The following RAB10 variants were observed in gnomAD, a reference collection of about 807,000 sequenced individuals.
RAB10 encodes RAB10, member RAS oncogene family, also known as ras-related protein Rab-10.
RAB10 carries 5 observed loss-of-function variants against 25.7 expected under a neutral mutation model. The observed-to-expected ratio is 0.19, with a 90% CI of 0.10 to 0.41. The LOEUF (loss-of-function observed/expected upper bound fraction) is 0.41, where lower values mean the gene tolerates loss of function less well. RAB10 is among the 10% of genes least tolerant of loss of function. The probability of loss-of-function intolerance (pLI) is 1.00; values close to 1 mark genes in which losing one functional copy is unlikely to be tolerated. For missense variants in RAB10, 103 were observed against 245.8 expected (o/e 0.42, Z 3.89); for synonymous variants, 89 against 86.4 (o/e 1.03, Z -0.16).
chr2:26,092,296 TGTGTGTGTGTGTGTGTG>T (rs1667125297), intron 1 of RAB10, among the ~76,000 whole-genome samples: 4 of 137,504 alleles, frequency 2.9e-5, no homozygotes, highest in African/African-American at 1.3e-4. Context: ...TGTGTGTGTG[TGTGTGTGTGTGTGTGTG>T]TGTGTGTGTT....
chr2:26,051,013 G>C (rs184152675), intron 1 of RAB10, among the ~76,000 whole-genome samples: 62 of 152,092 alleles, frequency 4.1e-4, no homozygotes, highest in Non-Finnish European at 6.5e-4. Context: ...CAACCTCCCG[G>C]GCTCAAGAGA....
intron 1 of RAB10, among the ~76,000 whole-genome samples, chr2:26,053,657 T>A (rs1666181837): frequency 6.6e-6 from 1 of 152,194 alleles, no homozygotes; most frequent in African/African-American, 2.4e-5. Flanking sequence ...TTATATATTC[T>A]TAGTGTTACA....
At chr2:26,113,314 C>T (rs572367093) in intron 3 of RAB10, among the ~76,000 whole-genome samples, 9 of 152,106 alleles carry the variant, frequency 5.9e-5, no homozygotes, top group African/African-American at 1.2e-4. Flanking sequence ...GGCTCACACC[C>T]GTAAATCCCA....
rs376860052 is a variant in RAB10 at position 26,115,413 on chromosome 2, A to C, written c.327+5507A>C. Among the ~76,000 whole-genome samples, 3 of 152,350 alleles carry C rather than the reference A, an allele frequency of 2.0e-5. No homozygotes were observed. The East Asian group carries it at 5.8e-4, about 29-fold the overall frequency. ...ATAAGGGAACATCACTCAGCCATTAAAAGGCATGAAGGACTGATACTTGGT... is the reference window on the plus strand; with the variant it reads ...ATAAGGGAACATCACTCAGCCATTACAAGGCATGAAGGACTGATACTTGGT... On this transcript the variant is annotated intron_variant, in intron 3 of 5. Coordinates refer to ENST00000264710, the MANE Select transcript of RAB10 (RefSeq NM_016131.5).
chr2:26,072,236 G>T (rs1471160988), intron 1 of RAB10, among the ~76,000 whole-genome samples: 1 of 152,078 alleles, frequency 6.6e-6, no homozygotes, highest in Non-Finnish European at 1.5e-5. Context: ...GGCCAACATG[G>T]TGAAACTGGT....
rs190910749 is a variant in RAB10 at position 26,062,999 on chromosome 2, C to T, written c.127+28264C>T. On this transcript the variant is annotated intron_variant, in intron 1 of 5. Transcript: ENST00000264710. ...GCATGGTGGCAGGCGCCTATAATCC[C>T]GGCTGCTCGGGAGGCTGAGGCAGGA... Among the ~76,000 whole-genome samples the T allele has an allele frequency of 1.6e-3, 248 of 152,006 alleles. 1 individual carries two copies. The highest frequency in any genetic ancestry group is 5.5e-3 in the African/African-American group (227 of 41,458).
intron 3 of RAB10, among the ~76,000 whole-genome samples, chr2:26,121,064 G>A (rs1667794319): frequency 6.6e-6 from 1 of 151,676 alleles, no homozygotes; most frequent in Non-Finnish European, 1.5e-5. Flanking sequence ...GACGTGCATC[G>A]CCACACCCGG....
intron 1 of RAB10, among the ~76,000 whole-genome samples, chr2:26,042,423 C>T (rs1043865571): frequency 1.3e-5 from 2 of 151,948 alleles, no homozygotes; most frequent in African/African-American, 2.4e-5. Context: ...ATAGCTTGAG[C>T]TCAGGAGTTC....
intron 1 of RAB10, among the ~76,000 whole-genome samples, chr2:26,092,281 G>C (rs1294589918): frequency 9.2e-5 from 3 of 32,494 alleles, no homozygotes; most frequent in Admixed American, 2.0e-4. Context: ...GTGTGTGTGT[G>C]TGTGTGTGTG....
intron 5 of RAB10, among the ~76,000 whole-genome samples, chr2:26,132,771 C>CCT (rs397711678): frequency 1.1e-3 from 149 of 138,526 alleles, no homozygotes; most frequent in African/African-American, 3.6e-3. Context: ...ACCCCCCCCC[C>CCT]TTTTTTTTAA....
chr2:26,054,086 C>T (rs1246866405), intron 1 of RAB10, among the ~76,000 whole-genome samples: 33 of 137,894 alleles, frequency 2.4e-4, no homozygotes, highest in Non-Finnish European at 7.6e-5. Flanking sequence ...CTTGCTCTGT[C>T]GCCCAGGGTG....
intron 2 of RAB10, among the ~76,000 whole-genome samples, chr2:26,104,867 A>G (rs1246086006): frequency 6.6e-6 from 1 of 151,346 alleles, no homozygotes; most frequent in Non-Finnish European, 1.5e-5. Flanking sequence ...CCTCCTGAGT[A>G]GCTGGGACTA....
chr2:26,062,191 TGTTA>T (rs1332618806), intron 1 of RAB10, among the ~76,000 whole-genome samples: 4 of 152,238 alleles, frequency 2.6e-5, no homozygotes, highest in Non-Finnish European at 5.9e-5. Context: ...AAGTAGTGCC[TGTTA>T]GTTTAAAAAC....
At chr2:26,114,670 C>T (rs1047820431) in intron 3 of RAB10, among the ~76,000 whole-genome samples, 3 of 150,032 alleles carry the variant, frequency 2.0e-5, no homozygotes, top group East Asian at 3.9e-4. Flanking sequence ...GTGGGTGGGT[C>T]GCTGGAGCCC....
chr2:26,129,437 T>A (rs1039723655), intron 5 of RAB10, among the ~76,000 whole-genome samples: 3 of 152,242 alleles, frequency 2.0e-5, no homozygotes, highest in Admixed American at 1.3e-4. Flanking sequence ...GATGTTTGTT[T>A]TTAAATTTTC....
intron 1 of RAB10, among the ~76,000 whole-genome samples, chr2:26,057,237 T>C (rs533670890): frequency 4.9e-4 from 75 of 152,270 alleles, no homozygotes; most frequent in African/African-American, 1.7e-3. Context: ...GAAGTCATAG[T>C]GGCTTCAATG....
At chr2:26,118,866 A>C (rs1559598127) in intron 3 of RAB10, among the ~76,000 whole-genome samples, 1 of 152,192 alleles carries the variant, frequency 6.6e-6, no homozygotes, top group Non-Finnish European at 1.5e-5. Context: ...CTCCTGCATA[A>C]ACATGTCTCT....
intron 2 of RAB10, 41 bp downstream of exon 2, chr2:26,098,763 T>A: frequency 6.8e-7 from 1 of 1,461,892 alleles, no homozygotes; most frequent in Non-Finnish European, 9.4e-7. Context: ...GAATGTCAGG[T>A]TCCTTAAGGT....
At chr2:26,106,809 C>T (rs898089764) in intron 2 of RAB10, among the ~76,000 whole-genome samples, 5 of 152,022 alleles carry the variant, frequency 3.3e-5, no homozygotes, top group Admixed American at 2.0e-4. Flanking sequence ...CTCTTGAACC[C>T]GAAAGGCAGA....
Sources: gnomAD v4.1 joint callset for allele counts (sites outside exome capture counted in the v4.1 genomes callset) on GRCh38, gnomAD v4.1.1 for gene constraint, MANE v1.5 for transcripts, NCBI Gene and HGNC (gene_info 2026-07-23, HGNC 2026-07-21) for gene names.